Variants in TASOR2 observed in about 807,000 individuals in gnomAD.
The protein encoded by TASOR2 is transcription activation suppressor family member 2.
Under a neutral mutation model 199.5 loss-of-function variants are expected in TASOR2, and 84 were observed. The ratio of observed to expected loss-of-function variants is 0.42; its 90% confidence interval spans 0.35 to 0.50. The LOEUF is 0.50. Ranked by LOEUF, TASOR2 falls within the 20% of genes least tolerant of loss-of-function variation. The probability of loss-of-function intolerance (pLI) is 0.02; values close to 1 mark genes in which losing one functional copy is unlikely to be tolerated. For synonymous variants in TASOR2, 1,103 were observed against 1,046.6 expected (o/e 1.05, Z -1.04); for missense variants, 2,796 against 2,835.9 (o/e 0.99, Z 0.32).
intron 15 of TASOR2, 100 bp from the exon 17 acceptor site, chr10:5,756,513 C>A: frequency 8.6e-7 from 1 of 1,156,440 alleles, no homozygotes; most frequent in Non-Finnish European, 1.2e-6. Flanking sequence ...TTTATGGTTG[C>A]CTTATTAGAC....
chr10:5,762,043 G>A (rs993094554), intron 19 of TASOR2, among the ~76,000 whole-genome samples: 1 of 152,102 alleles, frequency 6.6e-6, no homozygotes, highest in African/African-American at 2.4e-5. Flanking sequence ...TTGGGAGGCT[G>A]AAGCAGGTGG....
rs553238253 is a variant in TASOR2 at position 5,731,398 on chromosome 10, C to T, written c.1204+195C>T. ...ACAAAATTAGTTGGGTGTGGCGGTG[C>T]GTGCCTGTAGTCCTAGCTACTCGGA... is the stretch of plus-strand genomic sequence containing the variant. On this transcript the variant is annotated intron_variant, in intron 11 of 20. Transcript: ENST00000328090. Among the ~76,000 whole-genome samples, 311 of 152,184 alleles carry T rather than the reference C, an allele frequency of 2.0e-3. 2 individuals are homozygous for T. Among genetic ancestry groups the T allele is most frequent in the Non-Finnish European group, 3.5e-3 (237 of 67,996 alleles).
At chr10:5,727,156 C>G (rs1331406016) in intron 10 of TASOR2, 33 bp downstream of exon 11, 2 of 1,610,498 alleles carry the variant, frequency 1.2e-6, no homozygotes, top group Non-Finnish European at 1.7e-6. Flanking sequence ...CTCACTCTGT[C>G]TGTTGGATAT....
chr10:5,710,512 T>G lies in TASOR2; in HGVS notation c.-287-2311T>G, dbSNP rs1280877879. Among the ~76,000 whole-genome samples, 2 of 152,108 alleles carry G rather than the reference T, an allele frequency of 1.3e-5. No homozygotes were observed. Among genetic ancestry groups the G allele is most frequent in the African/African-American group, 4.8e-5 (2 of 41,438 alleles). Reference sequence around the variant, plus strand: ...TTATTTATAGCTATATAGGGAACAGTATTCCCCACACTGGTGTTAATGAAG... The same window carrying G: ...TTATTTATAGCTATATAGGGAACAGGATTCCCCACACTGGTGTTAATGAAG... On this transcript the variant is annotated intron_variant, in intron 1 of 20. Transcript: ENST00000328090. This position sits in a 1 kb window ranked among gnomAD's most constrained non-coding sequence, Gnocchi z 4.6.
intron 1 of TASOR2, among the ~76,000 whole-genome samples, chr10:5,707,726 TCACACACACACACACACACACACACA>T (rs5782856): frequency 1.9e-4 from 24 of 129,198 alleles, no homozygotes; most frequent in South Asian, 1.5e-3. Flanking sequence ...TCACTCATTT[TCACACACACACACACACACACACACA>T]CACACACACA....
chr10:5,716,731 A>G (rs77297496), intron 2 of TASOR2, among the ~76,000 whole-genome samples: 1 of 151,982 alleles, frequency 6.6e-6, no homozygotes, highest in Non-Finnish European at 1.5e-5. Context: ...CCTGACCAAC[A>G]TGGCCAAACC....
intron 1 of TASOR2, among the ~76,000 whole-genome samples, chr10:5,711,580 A>C (rs1204200213): frequency 6.6e-6 from 1 of 152,156 alleles, no homozygotes; most frequent in Non-Finnish European, 1.5e-5. Context: ...TCCGTAGGTC[A>C]TTAGGCTCAG....
intron 6 of TASOR2, among the ~76,000 whole-genome samples, chr10:5,723,395 T>C (rs912420940): frequency 4.6e-5 from 7 of 152,050 alleles, no homozygotes; most frequent in African/African-American, 9.7e-5. Context: ...AATTCCTTAT[T>C]CCTGTATACA....
At chr10:5,746,205 A>G in exon 15 of TASOR2, 1 of 1,569,882 alleles carries the variant, frequency 6.4e-7, no homozygotes, top group Non-Finnish European at 8.6e-7. Context: ...CTAAACAAGA[A>G]TCATTGGAGA....
At chr10:5,747,012 G>A (rs2131627321) in exon 15 of TASOR2, 1 of 1,614,100 alleles carries the variant, frequency 6.2e-7, no homozygotes, top group East Asian at 2.2e-5. Flanking sequence ...CTTCAGAAGG[G>A]CTTCTAGAAC....
rs1049222443 is a variant in TASOR2, at chr10:5,737,140, A to G, written c.1447+1594A>G. 6.6e-6 allele frequency among the ~76,000 whole-genome samples: 1 copy of G among 152,028 alleles called. No homozygotes were observed. The highest frequency in any genetic ancestry group is 1.5e-5 in the Non-Finnish European group (1 of 67,992). On this transcript the variant is annotated intron_variant, in intron 12 of 20. Coordinates refer to ENST00000328090, the Ensembl canonical transcript of TASOR2. The surrounding 1 kb of genome is among the most constrained non-coding windows in gnomAD (Gnocchi z 4.9). ...ACGCCTGGCTAATTTTTGTATTTTT[A>G]GTAGAGATGGGGTTTAACCATTTTG...
In TASOR2 at chr10:5,722,409, T is replaced by G. The variant is rs899638645; in HGVS notation, c.147-1268T>G. Reference sequence around the variant, plus strand: ...AGGTGGAGGTTGCATTGAGCTGAGATCGCGCCACTACACTCCAGCCTGGGC... The same window carrying G: ...AGGTGGAGGTTGCATTGAGCTGAGAGCGCGCCACTACACTCCAGCCTGGGC... On this transcript the variant is annotated intron_variant, in intron 6 of 20. Transcript: ENST00000328090. This position sits in a 1 kb window ranked among gnomAD's most constrained non-coding sequence, Gnocchi z 4.0. Among the ~76,000 whole-genome samples, 5 of 151,898 alleles carry G rather than the reference T, an allele frequency of 3.3e-5. No homozygotes were observed. Among genetic ancestry groups the G allele is most frequent in the African/African-American group, 1.2e-4 (5 of 41,336 alleles).
At chr10:5,717,799 T>G in intron 3 of TASOR2, 49 bp downstream of exon 4, 1 of 685,618 alleles carries the variant, frequency 1.5e-6, no homozygotes, top group Non-Finnish European at 2.0e-6. Flanking sequence ...AGTTTAAGGT[T>G]ATCTACCTTT....
chr10:5,752,102 C>T lies in TASOR2; in HGVS notation c.6606+2075C>T, dbSNP rs1225518736. On this transcript the variant is annotated intron_variant, in intron 15 of 20. Coordinates refer to ENST00000328090, the Ensembl canonical transcript of TASOR2. The surrounding 1 kb of genome is among the most constrained non-coding windows in gnomAD (Gnocchi z 4.4). ...TGAGCGCGGGCCAGCTGCCCTCCCC[C>T]TACCCTTGCAGCAGAAAGCTCCATT... is the stretch of plus-strand genomic sequence containing the variant. Among the ~76,000 whole-genome samples, 1 of 152,196 alleles carries T rather than the reference C, an allele frequency of 6.6e-6. No individual in the cohort carries two copies. The highest frequency in any genetic ancestry group is 1.5e-5 in the Non-Finnish European group (1 of 68,032).
At chr10:5,763,637 C>G (rs1840208181) in exon 21 of TASOR2, 2 of 151,904 alleles carry the variant, frequency 1.3e-5, no homozygotes, top group African/African-American at 4.9e-5. Context: ...AGTAAACACT[C>G]AAAACCAAGC....
intron 18 of TASOR2, 94 bp from the exon 20 acceptor site, chr10:5,761,196 G>A (rs1839774126): frequency 9.7e-7 from 1 of 1,032,044 alleles, no homozygotes; most frequent in Non-Finnish European, 1.4e-6. Flanking sequence ...AAAGGCAGAG[G>A]AACTCATGAG....
At position 5,739,785 on chromosome 10, in the gene TASOR2, G is replaced by A. The variant is rs766513704; in HGVS notation, c.1615G>A (p.Asp539Asn). 5.6e-6 allele frequency: 9 copies of A among 1,614,024 alleles called. No homozygotes were observed. Among genetic ancestry groups the A allele is most frequent in the Middle Eastern group, 1.6e-4 (1 of 6,084 alleles). The change falls in exon 13 of 21, where the codon GAT becomes AAT. Residue 539 changes from aspartate (D) to asparagine (N), a missense_variant. Around this residue, in one of 3 missense-constraint regions of TASOR2, gnomAD observed 847 missense variants for 887.4 expected, o/e 0.95. Coordinates refer to ENST00000328090, the Ensembl canonical transcript of TASOR2. ...CTCCCAGGCCCTAAATATGTTAGCC[G>A]ATCTAGCATTAAGCTCTGCTACTTC...
At position 5,730,109 on chromosome 10, in the gene TASOR2, TAAG is replaced by T; in HGVS notation, c.488-375_488-373del. On this transcript the variant is annotated intron_variant, in intron 10 of 20. Transcript: ENST00000328090. The surrounding 1 kb of genome is among the most constrained non-coding windows in gnomAD (Gnocchi z 4.1). ...CAGTAAAATAAATTTTAAAACAAAA[TAAG>T]AAAAAGTACGAAAGCAAATCTGCCA... Among the ~76,000 whole-genome samples, 1 of 152,276 alleles carries T rather than the reference TAAG, an allele frequency of 6.6e-6. No individual in the cohort carries two copies. Among genetic ancestry groups the T allele is most frequent in the Non-Finnish European group, 1.5e-5 (1 of 68,008 alleles).
chr10:5,748,924 C>A lies in TASOR2; in HGVS notation c.5503C>A (p.Leu1835Ile), dbSNP rs765824450. The A allele has an allele frequency of 6.2e-7, 1 of 1,613,940 alleles. No individual in the cohort carries two copies. The highest frequency in any genetic ancestry group is 8.5e-7 in the Non-Finnish European group (1 of 1,179,992). Residue 1835 changes from leucine to isoleucine, a missense_variant, in exon 15 of 21, where the codon CTT (leucine) becomes ATT (isoleucine). By Grantham distance (5) the Leu-to-Ile change is conservative. This residue lies in a region of TASOR2 where 1,941 missense variants were observed against 1,924.9 expected (regional missense o/e 1.01). Transcript: ENST00000328090. The surrounding 1 kb of genome is among the most constrained non-coding windows in gnomAD (Gnocchi z 5.1). Reference sequence around the variant, plus strand: ...CTCTGGAGATTCTGATCTAGACCTGCTTGGTGATTGTAGAAATCCCAGACT... The same window carrying A: ...CTCTGGAGATTCTGATCTAGACCTGATTGGTGATTGTAGAAATCCCAGACT...
Sources: allele counts gnomAD v4.1 joint callset (sites outside exome capture counted in the v4.1 genomes callset), GRCh38; gene constraint gnomAD v4.1.1; regional missense constraint gnomAD v4.1.1; non-coding constraint Gnocchi (gnomAD v3.1); transcripts MANE v1.5; gene names NCBI Gene and HGNC (gene_info 2026-07-23, HGNC 2026-07-21).